Variants in WDR72 observed in about 807,000 individuals in gnomAD.
The protein encoded by WDR72 is WD repeat-containing protein 72.
In WDR72, 120 loss-of-function variants were observed where a neutral mutation model predicts 124.2. That is an observed-to-expected ratio of 0.97 (90% CI 0.83 to 1.12). WDR72 has a LOEUF of 1.12. Ranked by LOEUF, WDR72 falls within the 50% of genes most tolerant of loss-of-function variation. WDR72 has a pLI of 0.00. For synonymous variants in WDR72, 452 were observed against 441.7 expected (o/e 1.02, Z -0.29); for missense variants, 1,387 against 1,278.8 (o/e 1.08, Z -1.29).
At position 53,597,328 on chromosome 15, in the gene WDR72, G is replaced by T. The variant is rs1335697654; in HGVS notation, c.2953-54C>A. 1.8e-5 allele frequency: 28 copies of T among 1,568,220 alleles called. 1 individual carries two copies. In the Admixed American group the frequency reaches 5.0e-4, roughly 28 times the overall value. On this transcript the variant is annotated intron_variant, in intron 17 of 19. Transcript: ENST00000360509. ...TTTTAGTATTATTACAAATGCTTGGGTATGTTGCAAAAAATCCAAAGCCCG... is the reference window on the plus strand; with the variant it reads ...TTTTAGTATTATTACAAATGCTTGGTTATGTTGCAAAAAATCCAAAGCCCG...
chr15:53,731,847 C>T, intron 2 of WDR72, among the ~76,000 whole-genome samples: 1 of 152,046 alleles, frequency 6.6e-6, no homozygotes, highest in East Asian at 1.9e-4. Flanking sequence ...CAAATGTATG[C>T]TAAACAAAAG....
intron 14 of WDR72, among the ~76,000 whole-genome samples, chr15:53,657,057 G>C (rs1299059648): frequency 1.3e-5 from 2 of 151,972 alleles, no homozygotes; most frequent in Admixed American, 1.3e-4. Flanking sequence ...AAGGTCAGGA[G>C]ATCGAGACCA....
At chr15:53,539,786 A>G (rs560756266) in intron 18 of WDR72, among the ~76,000 whole-genome samples, 2 of 152,298 alleles carry the variant, frequency 1.3e-5, no homozygotes, top group African/African-American at 4.8e-5. Context: ...GTCTATGTAC[A>G]AACTTACCAT....
intron 1 of WDR72, among the ~76,000 whole-genome samples, chr15:53,757,968 G>A (rs980109983): frequency 7.5e-6 from 1 of 132,576 alleles, no homozygotes; most frequent in African/African-American, 2.7e-5. Flanking sequence ...AGAAACTTAA[G>A]AGTTTATTTT....
intron 1 of WDR72, among the ~76,000 whole-genome samples, chr15:53,737,890 G>A (rs1367293182): frequency 3.3e-5 from 5 of 152,078 alleles, no homozygotes; most frequent in Admixed American, 3.3e-4. Context: ...TTATAAAACT[G>A]TGACCCTCCT....
At chr15:53,712,559 C>T (rs1271151559) in intron 7 of WDR72, among the ~76,000 whole-genome samples, 1 of 151,544 alleles carries the variant, frequency 6.6e-6, no homozygotes. Flanking sequence ...CGTGCCGCTG[C>T]ACTCCAGCCT....
At chr15:53,598,048 C>A (rs4344679) in intron 17 of WDR72, among the ~76,000 whole-genome samples, 7,904 of 152,196 alleles carry the variant, frequency 0.052, 305 homozygotes, top group Middle Eastern at 0.17. Flanking sequence ...AAGCTAGTGA[C>A]AGTTTCCTAG....
intron 13 of WDR72, among the ~76,000 whole-genome samples, chr15:53,694,144 G>T (rs904996202): frequency 1.3e-5 from 2 of 152,142 alleles, no homozygotes; most frequent in Admixed American, 1.3e-4. Flanking sequence ...GCAGTACCTG[G>T]GAAGAAGCCA....
chr15:53,549,592 T>G (rs565167808), intron 18 of WDR72, among the ~76,000 whole-genome samples: 2 of 152,156 alleles, frequency 1.3e-5, no homozygotes, highest in African/African-American at 4.8e-5. Context: ...AAAAACAAGC[T>G]GATTTTAGGA....
intron 1 of WDR72, among the ~76,000 whole-genome samples, chr15:53,740,707 T>C (rs572042960): frequency 5.6e-4 from 85 of 152,328 alleles, no homozygotes; most frequent in African/African-American, 1.8e-3. Flanking sequence ...AGGGACAAAA[T>C]AAATATTGGT....
chr15:53,639,030 C>A (rs752447172), intron 14 of WDR72, among the ~76,000 whole-genome samples: 8 of 152,104 alleles, frequency 5.3e-5, no homozygotes, highest in Admixed American at 1.3e-4. Context: ...CACCAAGTTT[C>A]TCACTAAGGA....
chr15:53,758,100 G>T (rs2018961994), intron 1 of WDR72, among the ~76,000 whole-genome samples: 1 of 151,962 alleles, frequency 6.6e-6, no homozygotes, highest in Admixed American at 6.5e-5. Flanking sequence ...CGACCTCTCA[G>T]GCTCAAGTCA....
upstream of WDR72, among the ~76,000 whole-genome samples, chr15:53,761,605 T>C (rs978040239): frequency 6.6e-6 from 1 of 152,072 alleles, no homozygotes; most frequent in Non-Finnish European, 1.5e-5. Context: ...GTGAATAGAT[T>C]GCTTGCTCCC....
At chr15:53,609,205 T>C (rs1175192649) in intron 17 of WDR72, among the ~76,000 whole-genome samples, 3 of 152,146 alleles carry the variant, frequency 2.0e-5, no homozygotes, top group Non-Finnish European at 4.4e-5. Context: ...ATAGGTACTT[T>C]AATGTATGGC....
chr15:53,633,892 A>G (rs1224876088), intron 14 of WDR72, among the ~76,000 whole-genome samples: 1 of 152,204 alleles, frequency 6.6e-6, no homozygotes, highest in Non-Finnish European at 1.5e-5. Context: ...CCCAATATGA[A>G]CATATGTACC....
intron 1 of WDR72, among the ~76,000 whole-genome samples, chr15:53,747,238 C>T (rs1027949742): frequency 1.3e-5 from 2 of 152,172 alleles, no homozygotes; most frequent in Non-Finnish European, 1.5e-5. Flanking sequence ...AATTAGATCA[C>T]TCCTTAGAAA....
At position 53,715,206 on chromosome 15, in the gene WDR72, G is replaced by A. The variant is rs2017668559; in HGVS notation, c.501C>T (p.Ser167=). Residue 167 remains serine, a synonymous_variant, in exon 5 of 20, where the codon TCC becomes TCT. Transcript: ENST00000360509. The part of the protein sequence containing the change: ...DWINCMCIVH[S]MRIQEDSLLV... The stretch of plus-strand genomic sequence containing the variant: ...TCCAACTATTACCTTGAATTCTCAT[G>A]GAGTGAACAATGCACATGCAGTTGA... The A allele has an allele frequency of 6.2e-7, 1 of 1,613,994 alleles. No individual in the cohort carries two copies. Among genetic ancestry groups the A allele is most frequent in the Non-Finnish European group, 8.5e-7 (1 of 1,179,968 alleles).
intron 18 of WDR72, among the ~76,000 whole-genome samples, chr15:53,561,234 C>T (rs1347229465): frequency 6.6e-6 from 1 of 151,752 alleles, no homozygotes; most frequent in Admixed American, 6.6e-5. Context: ...AAATGCACTA[C>T]TAAGACCTAG....
chr15:53,575,922 G>A (rs977640553), intron 18 of WDR72, among the ~76,000 whole-genome samples: 4 of 152,094 alleles, frequency 2.6e-5, no homozygotes, highest in African/African-American at 9.7e-5. Flanking sequence ...GGATTGAAAA[G>A]AAGACATCAC....
Sources: gnomAD v4.1 joint callset for allele counts (sites outside exome capture counted in the v4.1 genomes callset) on GRCh38, gnomAD v4.1.1 for gene constraint, MANE v1.5 for transcripts, NCBI Gene and HGNC (gene_info 2026-07-23, HGNC 2026-07-21) for gene names.